GRIN2A: variants seen among roughly 807,000 people sequenced by gnomAD.
The protein encoded by GRIN2A is glutamate ionotropic receptor NMDA type subunit 2A, also known as glutamate receptor ionotropic, NMDA 2A.
Under a neutral mutation model 113.4 loss-of-function variants are expected in GRIN2A, and 22 were observed. The observed-to-expected ratio is 0.19, with a 90% CI of 0.14 to 0.28. GRIN2A has a LOEUF of 0.28. Ranked by LOEUF, GRIN2A falls within the 10% of genes least tolerant of loss-of-function variation. The pLI is 1.00. For missense variants in GRIN2A, 1,502 were observed against 1,887.0 expected, an observed-to-expected ratio of 0.80 and a Z score of 3.78; for synonymous variants, 827 against 738.4, an observed-to-expected ratio of 1.12 and a Z score of -1.94.
At chr16:10,000,421 G>A (rs1314161626) in intron 2 of GRIN2A, among the ~76,000 whole-genome samples, 2 of 152,228 alleles carry the variant, frequency 1.3e-5, no homozygotes, top group East Asian at 3.9e-4. Context: ...TCAAGAGAAA[G>A]GGTAAAAACC....
At chr16:9,921,717 A>G (rs1169008654) in intron 3 of GRIN2A, among the ~76,000 whole-genome samples, 1 of 152,212 alleles carries the variant, frequency 6.6e-6, no homozygotes, top group East Asian at 1.9e-4. Context: ...TAAAATGGAC[A>G]AGGTTCCTGG....
At chr16:9,949,948 C>G (rs971874749) in intron 2 of GRIN2A, among the ~76,000 whole-genome samples, 7 of 152,048 alleles carry the variant, frequency 4.6e-5, no homozygotes, top group Non-Finnish European at 8.8e-5. Flanking sequence ...TGAGGGGGCT[C>G]AGAGGTAGAA....
chr16:9,808,967 T>TATCA (rs2141263242), intron 10 of GRIN2A, among the ~76,000 whole-genome samples: 1 of 151,954 alleles, frequency 6.6e-6, no homozygotes, highest in South Asian at 2.1e-4. Flanking sequence ...GATGCATGCA[T>TATCA]ATCATGGAGT....
intron 2 of GRIN2A, among the ~76,000 whole-genome samples, chr16:10,039,765 G>GGAGGGAGAGGGAAGGGGA (rs2047108918): frequency 8.9e-6 from 1 of 112,904 alleles, no homozygotes; most frequent in Non-Finnish European, 1.9e-5. Context: ...AATGTGCAAG[G>GGAGGGAGAGGGAAGGGGA]GAGGGAGAGG....
At chr16:9,900,349 C>T (rs1044333148) in intron 3 of GRIN2A, among the ~76,000 whole-genome samples, 1 of 152,178 alleles carries the variant, frequency 6.6e-6, no homozygotes, top group Admixed American at 6.5e-5. Flanking sequence ...TTCTATGGTG[C>T]AAAGCCTGTA....
chr16:10,125,456 C>T (rs949215219), intron 2 of GRIN2A, among the ~76,000 whole-genome samples: 4 of 152,126 alleles, frequency 2.6e-5, no homozygotes, highest in African/African-American at 9.7e-5. Flanking sequence ...CCACTACAAG[C>T]TCAGCACTCC....
At position 10,180,236 on chromosome 16, in the gene GRIN2A, T is replaced by G. The variant is rs780265201; in HGVS notation, c.176A>C (p.Gln59Pro). The change falls in exon 2 of 13, where the codon CAG becomes CCG. Residue 59 changes from glutamine (Q) to proline (P), a missense_variant. Gln to Pro is a moderately conservative substitution (Grantham distance 76, BLOSUM62 -1). Around this residue, in one of 7 missense-constraint regions of GRIN2A, gnomAD observed 149 missense variants for 179.1 expected, o/e 0.83. Transcript: ENST00000330684. The surrounding 1 kb of genome is among the most constrained non-coding windows in gnomAD (Gnocchi z 7.0). ...RELRTLWGPE[Q>P]AAGLPLDVNV... ...CACGTCCAGGGGCAGCCCCGCCGCC[T>G]GCTCGGGGCCCCACAGTGTTCGAAG... 6.2e-7 allele frequency: 1 copy of G among 1,614,098 alleles called. No homozygotes were observed. The highest frequency in any genetic ancestry group is 8.5e-7 in the Non-Finnish European group (1 of 1,180,026).
chr16:9,917,385 T>C (rs1457085234), intron 3 of GRIN2A, among the ~76,000 whole-genome samples: 1 of 152,252 alleles, frequency 6.6e-6, no homozygotes, highest in African/African-American at 2.4e-5. Context: ...GAACACTAGG[T>C]AAATTCTTCA....
chr16:9,770,665 C>G (rs1056331278), intron 11 of GRIN2A, among the ~76,000 whole-genome samples: 1 of 152,100 alleles, frequency 6.6e-6, no homozygotes, highest in Non-Finnish European at 1.5e-5. Flanking sequence ...TGGTTCGGCT[C>G]TGGACTTAGT....
At chr16:9,976,519 T>C (rs1488266397) in intron 2 of GRIN2A, among the ~76,000 whole-genome samples, 1 of 152,176 alleles carries the variant, frequency 6.6e-6, no homozygotes, top group East Asian at 1.9e-4. Context: ...GCCTCCTCTT[T>C]AAAGTTGGCG....
chr16:10,041,267 C>T lies in GRIN2A; in HGVS notation c.415-102716G>A, dbSNP rs1317682652. Among the ~76,000 whole-genome samples the T allele has an allele frequency of 2.0e-5, 3 of 152,204 alleles. No individual in the cohort carries two copies. The East Asian group carries it at 5.8e-4, about 29-fold the overall frequency. On this transcript the variant is annotated intron_variant, in intron 2 of 12. Transcript: ENST00000330684. ...AAAGGTATAACGCAGAGTAGGAATTCCAGGGGGAAAGATGTGCAAAGTAAA... is the reference window on the plus strand; with the variant it reads ...AAAGGTATAACGCAGAGTAGGAATTTCAGGGGGAAAGATGTGCAAAGTAAA...
chr16:9,771,549 TA>T (rs1050832748), intron 11 of GRIN2A, among the ~76,000 whole-genome samples: 1 of 152,048 alleles, frequency 6.6e-6, no homozygotes, highest in African/African-American at 2.4e-5. Flanking sequence ...TCTTTCAGAT[TA>T]CTCCCCCCCA....
At chr16:9,797,098 A>G (rs1903038952) in intron 11 of GRIN2A, among the ~76,000 whole-genome samples, 1 of 152,240 alleles carries the variant, frequency 6.6e-6, no homozygotes, top group African/African-American at 2.4e-5. Context: ...CACTAACCCT[A>G]TGCACTAGCT....
chr16:9,758,804 C>T lies in GRIN2A; in HGVS notation c.*4345G>A, dbSNP rs941274860. ...TGGGAGAACTTTTCAAGTATAGACC[C>T]CACAGCACTTTCAACCCTGTTCACC... is the stretch of plus-strand genomic sequence containing the variant. On this transcript the variant is annotated 3_prime_UTR_variant, in exon 13 of 13. Coordinates refer to ENST00000330684, the MANE Select transcript of GRIN2A (RefSeq NM_001134407.3). 9.3e-6 allele frequency: 2 copies of T among 214,060 alleles called. No individual in the cohort carries two copies. Among genetic ancestry groups the T allele is most frequent in the Non-Finnish European group, 1.9e-5 (2 of 105,966 alleles). The allele number at this position is 214,060 out of a possible 1,614,324, so 13.3% of individuals were successfully genotyped here. A position where few individuals can be genotyped will look rare whatever the true frequency, so the allele number is the denominator to read the frequency against.
intron 2 of GRIN2A, among the ~76,000 whole-genome samples, chr16:10,170,838 C>T (rs2050026901): frequency 6.7e-6 from 1 of 150,130 alleles, no homozygotes. Context: ...GATCATGCCA[C>T]TGCACTCCAG....
chr16:10,012,780 T>A (rs1168400356), intron 2 of GRIN2A, among the ~76,000 whole-genome samples: 1 of 152,198 alleles, frequency 6.6e-6, no homozygotes, highest in Non-Finnish European at 1.5e-5. Context: ...AGCAGCTTCT[T>A]CCCCTAGAGC....
intron 2 of GRIN2A, among the ~76,000 whole-genome samples, chr16:10,131,599 T>C (rs2049065883): frequency 6.6e-6 from 1 of 152,092 alleles, no homozygotes; most frequent in Non-Finnish European, 1.5e-5. Flanking sequence ...AGTAGGAAAG[T>C]ACCTTCTGTG....
chr16:9,852,675 T>C (rs2042905164), intron 4 of GRIN2A, among the ~76,000 whole-genome samples: 1 of 152,170 alleles, frequency 6.6e-6, no homozygotes, highest in African/African-American at 2.4e-5. Flanking sequence ...CTTACCTTCT[T>C]TTCTCATCTG....
In GRIN2A at chr16:10,126,811, C is replaced by G. The variant is rs375189002; in HGVS notation, c.414+53187G>C. Among the ~76,000 whole-genome samples, 8 of 152,256 alleles carry G rather than the reference C, an allele frequency of 5.3e-5. No homozygotes were observed. The East Asian group carries it at 9.6e-4, about 18-fold the overall frequency. On this transcript the variant is annotated intron_variant, in intron 2 of 12. Transcript: ENST00000330684. ...TGGTTTCTAGAACGTCTGTGAGTCACCTGCTCACATGTCCAAGATGTCTCA... is the reference window on the plus strand; with the variant it reads ...TGGTTTCTAGAACGTCTGTGAGTCAGCTGCTCACATGTCCAAGATGTCTCA...
Sources: allele counts gnomAD v4.1 joint callset (sites outside exome capture counted in the v4.1 genomes callset), GRCh38; gene constraint gnomAD v4.1.1; regional missense constraint gnomAD v4.1.1; non-coding constraint Gnocchi (gnomAD v3.1); transcripts MANE v1.5; gene names NCBI Gene and HGNC (gene_info 2026-07-23, HGNC 2026-07-21).